SEC14L1: variants seen among roughly 807,000 people sequenced by gnomAD.
The protein encoded by SEC14L1 is SEC14 like lipid binding 1, also known as SEC14-like protein 1.
A neutral mutation model predicts 85.3 loss-of-function variants in SEC14L1; 48 were observed. The ratio of observed to expected loss-of-function variants is 0.56; its 90% CI spans 0.45 to 0.72. SEC14L1 has a LOEUF of 0.72. SEC14L1 is among the 30% of genes least tolerant of loss of function. The probability of loss-of-function intolerance (pLI) is 0.00; values close to 1 mark genes in which losing one functional copy is unlikely to be tolerated. For synonymous variants in SEC14L1, 391 were observed against 355.5 expected (o/e 1.10, Z -1.12); for missense variants, 682 against 921.4 (o/e 0.74, Z 3.36).
intron 3 of SEC14L1, among the ~76,000 whole-genome samples, chr17:77,125,892 C>A (rs746767945): frequency 6.6e-6 from 1 of 152,224 alleles, no homozygotes; most frequent in Non-Finnish European, 1.5e-5. Flanking sequence ...TGGCTCACAC[C>A]TGTAATCCCA....
chr17:77,212,753 G>A (rs563419867), intron 15 of SEC14L1: 151 of 164,686 alleles, frequency 9.2e-4, no homozygotes, highest in Non-Finnish European at 1.3e-3. Context: ...GTTTTCAGGG[G>A]TAAGGCTTGT....
chr17:77,094,662 T>C (rs1173113519), intron 3 of SEC14L1: 1 of 151,030 alleles, frequency 6.6e-6, no homozygotes, highest in Non-Finnish European at 1.5e-5. Context: ...AGACAGGGTT[T>C]CACATGTTGG....
In SEC14L1 at chr17:77,193,524, A is replaced by G; in HGVS notation, c.449A>G (p.Lys150Arg). Reference protein sequence around the residue: ...FESTVEKIAMKQYTSNIKKGK... With the variant: ...FESTVEKIAMRQYTSNIKKGK... Reference sequence around the variant, plus strand: ...AGTACAGTGGAAAAAATTGCAATGAAACAATATACCAGCAACATTAAAAAA... The same window carrying G: ...AGTACAGTGGAAAAAATTGCAATGAGACAATATACCAGCAACATTAAAAAA... The change falls in exon 6 of 17, where the codon AAA (lysine) becomes AGA (arginine). Residue 150 changes from lysine (K) to arginine (R), a missense_variant. By Grantham distance (26) the Lys-to-Arg change is conservative (BLOSUM62 2). This residue lies in a region of SEC14L1 where 139 missense variants were observed against 201.3 expected (regional missense o/e 0.69). Coordinates refer to ENST00000436233, the MANE Select transcript of SEC14L1 (RefSeq NM_001143998.2). 1 of 1,612,078 alleles carries G rather than the reference A, an allele frequency of 6.2e-7. No individual in the cohort carries two copies. Among genetic ancestry groups the G allele is most frequent in the Non-Finnish European group, 8.5e-7 (1 of 1,178,706 alleles).
intron 3 of SEC14L1, chr17:77,093,885 C>T (rs1302064015): frequency 6.6e-6 from 1 of 152,248 alleles, no homozygotes; most frequent in Non-Finnish European, 1.5e-5. Flanking sequence ...AGGCATGAGC[C>T]ACTGCACTGG....
intron 3 of SEC14L1, among the ~76,000 whole-genome samples, chr17:77,173,232 AGTG>A (rs1162707733): frequency 2.6e-5 from 4 of 152,090 alleles, no homozygotes; most frequent in African/African-American, 9.7e-5. Context: ...ACTCTTTAGA[AGTG>A]GTGGGGAAAG....
chr17:77,109,202 C>A (rs1273885382), intron 3 of SEC14L1, among the ~76,000 whole-genome samples: 2 of 152,124 alleles, frequency 1.3e-5, no homozygotes, highest in East Asian at 1.9e-4. Flanking sequence ...AAGTTAAATT[C>A]TTTGTAAGGC....
chr17:77,134,664 G>C (rs1457943991), intron 3 of SEC14L1, among the ~76,000 whole-genome samples: 1 of 152,222 alleles, frequency 6.6e-6, no homozygotes, highest in Non-Finnish European at 1.5e-5. Flanking sequence ...CCAGGAGGCG[G>C]ATGTTGCAGT....
chr17:77,166,891 A>AT lies in SEC14L1; in HGVS notation c.63+23233dup, dbSNP rs1386617653. On this transcript the variant is annotated intron_variant, in intron 3 of 16. Transcript: ENST00000436233. The stretch of plus-strand genomic sequence containing the variant: ...AATAAATAAAGATTGTACCTATTAA[A>AT]TGCAGTAATCTTTGGGAAGCTGATT... Among the ~76,000 whole-genome samples the AT allele has an allele frequency of 1.1e-4, 16 of 152,270 alleles. No homozygotes were observed. The East Asian group carries it at 3.1e-3, about 29-fold the overall frequency.
intron 3 of SEC14L1, among the ~76,000 whole-genome samples, chr17:77,184,944 T>A (rs1345830391): frequency 6.6e-6 from 1 of 152,218 alleles, no homozygotes; most frequent in Non-Finnish European, 1.5e-5. Context: ...AGATGAAAGT[T>A]ACATCTACTT....
At chr17:77,201,512 A>G (rs1358086759) in intron 9 of SEC14L1, among the ~76,000 whole-genome samples, 2 of 149,632 alleles carry the variant, frequency 1.3e-5, no homozygotes, top group Admixed American at 1.3e-4. Context: ...GTCCAGTGGC[A>G]AGATCTCAGC....
chr17:77,154,108 G>A (rs1052172549), intron 3 of SEC14L1, among the ~76,000 whole-genome samples: 23 of 152,098 alleles, frequency 1.5e-4, no homozygotes, highest in Admixed American at 4.6e-4. Flanking sequence ...CAAATAAAAC[G>A]CATGCAACAA....
chr17:77,112,204 G>T (rs774104480), intron 3 of SEC14L1, among the ~76,000 whole-genome samples: 1 of 152,046 alleles, frequency 6.6e-6, no homozygotes, highest in African/African-American at 2.4e-5. Flanking sequence ...CACCATGATT[G>T]TAAGTTTCCT....
At chr17:77,137,622 C>T (rs1235481856), upstream of SEC14L1, among the ~76,000 whole-genome samples, 3 of 152,190 alleles carry the variant, frequency 2.0e-5, no homozygotes, top group African/African-American at 7.2e-5. Flanking sequence ...AGGAATAAGA[C>T]CACCTGCATC....
chr17:77,207,004 C>G, intron 13 of SEC14L1, 142 bp downstream of exon 13: 1 of 832,966 alleles, frequency 1.2e-6, no homozygotes, highest in South Asian at 2.2e-5. Flanking sequence ...CGCCATTTCT[C>G]TGATCCAGGG....
At chr17:77,172,186 A>G (rs1180249352) in intron 3 of SEC14L1, among the ~76,000 whole-genome samples, 1 of 152,046 alleles carries the variant, frequency 6.6e-6, no homozygotes, top group Non-Finnish European at 1.5e-5. Flanking sequence ...GAAAAAGGTG[A>G]TAAGCTCAGG....
upstream of SEC14L1, among the ~76,000 whole-genome samples, chr17:77,140,334 G>T (rs939293984): frequency 2.6e-5 from 4 of 152,214 alleles, no homozygotes; most frequent in African/African-American, 9.6e-5. Flanking sequence ...CAAGGATGCC[G>T]CTGGGCTCCA....
At chr17:77,110,716 T>TA (rs35033742) in intron 3 of SEC14L1, among the ~76,000 whole-genome samples, 29 of 148,534 alleles carry the variant, frequency 2.0e-4, no homozygotes, top group Middle Eastern at 3.5e-3. Flanking sequence ...CCATCTCTAC[T>TA]AAAAAAAAAT....
chr17:77,099,940 C>T (rs1971728568), intron 3 of SEC14L1, among the ~76,000 whole-genome samples: 1 of 152,066 alleles, frequency 6.6e-6, no homozygotes, highest in African/African-American at 2.4e-5. Context: ...AGCATTACAA[C>T]AAAAACATGT....
intron 3 of SEC14L1, among the ~76,000 whole-genome samples, chr17:77,118,537 G>A (rs943569196): frequency 6.6e-6 from 1 of 152,214 alleles, no homozygotes; most frequent in Non-Finnish European, 1.5e-5. Context: ...CAAGGGCAAT[G>A]GACATGCTTC....
Sources: gnomAD v4.1 joint callset for allele counts (sites outside exome capture counted in the v4.1 genomes callset) on GRCh38, gnomAD v4.1.1 for gene constraint, gnomAD v4.1.1 regional missense constraint, MANE v1.5 for transcripts, NCBI Gene and HGNC (gene_info 2026-07-23, HGNC 2026-07-21) for gene names.